Variants in EPB41L5 observed in about 807,000 individuals in gnomAD.
EPB41L5 encodes band 4.1-like protein 5.
EPB41L5 carries 55 observed loss-of-function variants against 106.6 expected under a neutral mutation model. The observed-to-expected ratio is 0.52, with a 90% CI of 0.42 to 0.65. The LOEUF is 0.65. Ranked by LOEUF, EPB41L5 falls within the 30% of genes least tolerant of loss-of-function variation. The pLI, the probability that EPB41L5 is intolerant of heterozygous loss-of-function variation, is 0.00. For missense variants in EPB41L5, 871 were observed against 882.1 expected, an observed-to-expected ratio of 0.99 and a Z score of 0.16; for synonymous variants, 297 against 306.7, an observed-to-expected ratio of 0.97 and a Z score of 0.33.
intron 5 of EPB41L5, among the ~76,000 whole-genome samples, chr2:120,075,128 TTTAA>T (rs1397366143): frequency 6.6e-6 from 1 of 152,206 alleles, no homozygotes; most frequent in African/African-American, 2.4e-5. Flanking sequence ...GCACCAGGCC[TTTAA>T]TTAAGAATAC....
intron 14 of EPB41L5, 56 bp from the exon 15 acceptor site, chr2:120,100,188 A>G (rs922729986): frequency 9.5e-6 from 13 of 1,370,902 alleles, no homozygotes; most frequent in Non-Finnish European, 1.3e-5. Flanking sequence ...ATCTTACAAA[A>G]TGAAGTCCTG....
At chr2:120,051,917 C>G (rs1680315815) in intron 3 of EPB41L5, among the ~76,000 whole-genome samples, 1 of 152,124 alleles carries the variant, frequency 6.6e-6, no homozygotes, top group Admixed American at 6.5e-5. Context: ...AGCTCCACCT[C>G]ACAGGTTCAA....
intron 16 of EPB41L5, among the ~76,000 whole-genome samples, chr2:120,102,732 G>T (rs181946442): frequency 3.3e-5 from 5 of 152,106 alleles, no homozygotes; most frequent in Admixed American, 2.6e-4. Flanking sequence ...TTTTTTGCTG[G>T]TATCTTTTAA....
chr2:120,145,794 A>G (rs1198248590), intron 19 of EPB41L5, among the ~76,000 whole-genome samples: 2 of 151,996 alleles, frequency 1.3e-5, no homozygotes, highest in African/African-American at 4.8e-5. Context: ...AAAAATACAA[A>G]AATTAGCCAG....
intron 10 of EPB41L5, among the ~76,000 whole-genome samples, chr2:120,079,783 T>C (rs1682513216): frequency 6.6e-6 from 1 of 152,196 alleles, no homozygotes; most frequent in African/African-American, 2.4e-5. Context: ...TTTTAAGTTA[T>C]CAAGGGTTAC....
In EPB41L5 at chr2:120,032,334, T is replaced by A. The variant is rs572740979; in HGVS notation, c.181-9672T>A. Among the ~76,000 whole-genome samples, 6 of 152,248 alleles carry A rather than the reference T, an allele frequency of 3.9e-5. No homozygotes were observed. In the East Asian group the frequency reaches 9.7e-4, roughly 25 times the overall value. On this transcript the variant is annotated intron_variant, in intron 2 of 24. Transcript: ENST00000263713. The stretch of plus-strand genomic sequence containing the variant: ...TGGAGGTTGCAGTGAGCCGAGATCA[T>A]GCTACTGCACCCCAGCCTGGGCAAC...
chr2:120,128,461 A>T (rs1247130747), intron 17 of EPB41L5, among the ~76,000 whole-genome samples: 3 of 152,226 alleles, frequency 2.0e-5, no homozygotes, highest in African/African-American at 7.2e-5. Context: ...GCTCTTGACC[A>T]TTTGATTTCT....
At position 120,128,830 on chromosome 2, in the gene EPB41L5, G is replaced by A. The variant is rs1019891805; in HGVS notation, c.1501+979G>A. Among the ~76,000 whole-genome samples, 69 of 148,204 alleles carry A rather than the reference G, an allele frequency of 4.7e-4. 1 individual carries two copies. Among genetic ancestry groups the A allele is most frequent in the Admixed American group, 6.9e-4 (10 of 14,544 alleles). ...GTAATTTTGATTTTTTAAGGTAGTA[G>A]TCTGTTATTAGATTAAGAAAATATC... is the stretch of plus-strand genomic sequence containing the variant. On this transcript the variant is annotated intron_variant, in intron 17 of 24. Transcript: ENST00000263713.
chr2:120,077,375 T>A, intron 9 of EPB41L5, 59 bp downstream of exon 9: 1 of 1,474,498 alleles, frequency 6.8e-7, no homozygotes, highest in Non-Finnish European at 9.4e-7. Context: ...TCGCAGTGAC[T>A]GTGGAATTTT....
intron 3 of EPB41L5, among the ~76,000 whole-genome samples, chr2:120,063,649 T>TA (rs1374268779): frequency 1.3e-5 from 2 of 151,052 alleles, no homozygotes; most frequent in African/African-American, 4.9e-5. Context: ...AAATAAAGGT[T>TA]AAAAAAAAAT....
intron 16 of EPB41L5, among the ~76,000 whole-genome samples, chr2:120,123,643 T>TC: frequency 7.7e-6 from 1 of 129,164 alleles, no homozygotes; most frequent in Middle Eastern, 3.9e-3. Flanking sequence ...GGAGTGTTCG[T>TC]CCCTTTTTTT....
chr2:120,119,332 T>C (rs1464763895), intron 16 of EPB41L5, among the ~76,000 whole-genome samples: 1 of 152,118 alleles, frequency 6.6e-6, no homozygotes, highest in Non-Finnish European at 1.5e-5. Flanking sequence ...TTTTTTGTTT[T>C]TGCTGTACAG....
intron 18 of EPB41L5, among the ~76,000 whole-genome samples, chr2:120,142,762 G>T (rs1323492829): frequency 6.6e-6 from 1 of 152,112 alleles, no homozygotes; most frequent in Non-Finnish European, 1.5e-5. Flanking sequence ...GGCCAGATTT[G>T]CCCTTTGGGT....
chr2:120,106,493 A>G (rs1372068888), intron 16 of EPB41L5: 5 of 985,090 alleles, frequency 5.1e-6, no homozygotes, highest in Admixed American at 6.2e-5. Flanking sequence ...TATTATGCCT[A>G]AAGAGTCAGT....
chr2:120,082,868 T>C (rs1682778319), intron 10 of EPB41L5, among the ~76,000 whole-genome samples: 3 of 152,196 alleles, frequency 2.0e-5, no homozygotes, highest in Non-Finnish European at 2.9e-5. Context: ...ATCCGTCTAT[T>C]CTAGATTTTT....
intron 2 of EPB41L5, among the ~76,000 whole-genome samples, chr2:120,027,471 G>A (rs905906909): frequency 6.6e-6 from 1 of 152,244 alleles, no homozygotes; most frequent in African/African-American, 2.4e-5. Context: ...AATTCCAGAA[G>A]AGGGAGATCT....
intron 20 of EPB41L5, among the ~76,000 whole-genome samples, chr2:120,158,943 C>T (rs1322061322): frequency 1.3e-5 from 2 of 152,108 alleles, no homozygotes; most frequent in Non-Finnish European, 2.9e-5. Flanking sequence ...TATACACCAA[C>T]AATAGTCAAG....
At chr2:120,099,609 A>T (rs923023674) in intron 14 of EPB41L5, among the ~76,000 whole-genome samples, 7 of 151,892 alleles carry the variant, frequency 4.6e-5, no homozygotes, top group African/African-American at 1.7e-4. Context: ...TTGTATTTTT[A>T]GTAGAGACAG....
chr2:120,106,343 A>G (rs909132520), intron 16 of EPB41L5: 5 of 985,226 alleles, frequency 5.1e-6, no homozygotes, highest in South Asian at 9.4e-5. Flanking sequence ...AGAATTTCAT[A>G]TCAAATATTG....
Sources: allele counts gnomAD v4.1 joint callset (sites outside exome capture counted in the v4.1 genomes callset), GRCh38; gene constraint gnomAD v4.1.1; transcripts MANE v1.5; gene names NCBI Gene and HGNC (gene_info 2026-07-23, HGNC 2026-07-21).